Variants in CHL1 observed in about 807,000 individuals in gnomAD.
CHL1 encodes cell adhesion molecule L1 like.
CHL1 carries 96 observed loss-of-function variants against 141.9 expected under a neutral mutation model. That is an observed-to-expected ratio of 0.68 (90% confidence interval 0.57 to 0.80). CHL1 has a LOEUF of 0.80. Among genes scored for constraint, CHL1 ranks in the 30% least tolerant of loss-of-function variants. CHL1 has a pLI of 0.00. For synonymous variants in CHL1, 613 were observed against 502.2 expected (o/e 1.22, Z -2.95); for missense variants, 1,820 against 1,457.2 (o/e 1.25, Z -4.05).
chr3:371,791 G>A (rs888928366), intron 15 of CHL1, among the ~76,000 whole-genome samples: 2 of 152,138 alleles, frequency 1.3e-5, no homozygotes, highest in Non-Finnish European at 2.9e-5. Flanking sequence ...GATCTTGCAA[G>A]GCAGGCCTGG....
chr3:378,946 A>AC (rs1706688663), intron 16 of CHL1, among the ~76,000 whole-genome samples: 1 of 151,852 alleles, frequency 6.6e-6, no homozygotes, highest in Non-Finnish European at 1.5e-5. Context: ...TTCTGCAGGG[A>AC]CCCTAACAGC....
rs370419628 is a variant in CHL1, at chr3:326,060, C to G, written c.193C>G (p.Pro65Ala). The change falls in exon 4 of 28, where the codon CCA becomes GCA. Residue 65 changes from proline to alanine, a missense_variant. Transcript: ENST00000256509. Reference protein sequence around the residue: ...IECEAKGNPEPTFSWTKDGNP... With the variant: ...IECEAKGNPEATFSWTKDGNP... ...ATGTGAAGCTAAAGGAAATCCAGAA[C>G]CAACGTGAGTATTGTTTCAAACGAA... 5 of 1,598,724 alleles carry G rather than the reference C, an allele frequency of 3.1e-6. No individual in the cohort carries two copies. Among genetic ancestry groups the G allele is most frequent in the Non-Finnish European group, 4.3e-6 (5 of 1,167,250 alleles).
chr3:349,623 A>G (rs1703074620), intron 10 of CHL1, 80 bp downstream of exon 10: 1 of 1,216,098 alleles, frequency 8.2e-7, no homozygotes, highest in Admixed American at 2.2e-5. Flanking sequence ...CTTCTAAATC[A>G]TACATGTTAA....
chr3:398,194 A>G (rs753662067), intron 24 of CHL1, 33 bp from the exon 25 acceptor site: 1 of 1,431,450 alleles, frequency 7.0e-7, no homozygotes, highest in Non-Finnish European at 9.4e-7. Flanking sequence ...CCATGATTAC[A>G]ATTCACATGA....
At chr3:385,221 T>C (rs770903484) in intron 19 of CHL1, among the ~76,000 whole-genome samples, 1 of 152,196 alleles carries the variant, frequency 6.6e-6, no homozygotes, top group Non-Finnish European at 1.5e-5. Flanking sequence ...ATATCAGTAA[T>C]ACTGTGTATT....
intron 1 of CHL1, among the ~76,000 whole-genome samples, chr3:219,224 G>T (rs536656555): frequency 6.6e-6 from 1 of 152,036 alleles, no homozygotes; most frequent in South Asian, 2.1e-4. Context: ...CACTGTTAGC[G>T]GGGGTGTAAA....
At chr3:240,718 A>G (rs968378983) in intron 1 of CHL1, among the ~76,000 whole-genome samples, 6 of 152,350 alleles carry the variant, frequency 3.9e-5, no homozygotes, top group Admixed American at 2.6e-4. Flanking sequence ...TAGAATTTTT[A>G]TAGGTATCGG....
At chr3:239,304 C>T (rs4003413) in intron 1 of CHL1, among the ~76,000 whole-genome samples, 1 of 151,972 alleles carries the variant, frequency 6.6e-6, no homozygotes, top group Non-Finnish European at 1.5e-5. Flanking sequence ...ATACTATTAT[C>T]CCTTATTTAC....
chr3:269,536 T>A (rs1382526267), intron 2 of CHL1, among the ~76,000 whole-genome samples: 1 of 152,006 alleles, frequency 6.6e-6, no homozygotes, highest in Non-Finnish European at 1.5e-5. Context: ...TCTCTATATA[T>A]ATATATGAGA....
intron 5 of CHL1, among the ~76,000 whole-genome samples, chr3:337,897 A>G (rs1415317672): frequency 6.6e-6 from 1 of 152,192 alleles, no homozygotes; most frequent in Non-Finnish European, 1.5e-5. Context: ...CAGTAATGGG[A>G]TGGCTGGGTC....
At chr3:204,020 C>A (rs1444310416) in intron 1 of CHL1, among the ~76,000 whole-genome samples, 1 of 152,236 alleles carries the variant, frequency 6.6e-6, no homozygotes, top group East Asian at 1.9e-4. Context: ...AGAATCTTCA[C>A]CACTTTTTCT....
chr3:198,579 C>A (rs1022767797), intron 1 of CHL1, among the ~76,000 whole-genome samples: 1 of 152,202 alleles, frequency 6.6e-6, no homozygotes, highest in Non-Finnish European at 1.5e-5. Flanking sequence ...ACCCTCTATA[C>A]TGGGTTGTTG....
At chr3:302,799 T>C (rs530680355) in intron 2 of CHL1, among the ~76,000 whole-genome samples, 2 of 152,338 alleles carry the variant, frequency 1.3e-5, no homozygotes, top group South Asian at 4.1e-4. Context: ...TTTAGTGTTT[T>C]AGACATGAAT....
chr3:251,829 C>G (rs1574861215), intron 2 of CHL1, among the ~76,000 whole-genome samples: 2 of 152,092 alleles, frequency 1.3e-5, no homozygotes, highest in East Asian at 3.9e-4. Flanking sequence ...GCACATATTT[C>G]TTCTACTAAA....
chr3:393,186 T>G (rs1280881775), intron 23 of CHL1, among the ~76,000 whole-genome samples: 2 of 133,622 alleles, frequency 1.5e-5, no homozygotes, highest in Non-Finnish European at 3.1e-5. Context: ...TGAGCTGAGA[T>G]GGAGCCACTG....
Position 365,941 on chromosome 3 carries a change from T to C in CHL1, c.1586-9T>C. 1 of 1,609,322 alleles carries C rather than the reference T, an allele frequency of 6.2e-7. No homozygotes were observed. Among genetic ancestry groups the C allele is most frequent in the East Asian group, 2.2e-5 (1 of 44,768 alleles). On this transcript the variant is annotated splice_polypyrimidine_tract_variant and intron_variant, in intron 14 of 27. Coordinates refer to ENST00000256509, the MANE Select transcript of CHL1 (RefSeq NM_006614.4). ...AGTTCTAACTAATATCTTTGTTTGG[T>C]AAAAACAGATGCTACAAAACTTAGA... is the stretch of plus-strand genomic sequence containing the variant.
At position 302,055 on chromosome 3, in the gene CHL1, A is replaced by C. The variant is rs147850117; in HGVS notation, c.-94-17628A>C. 4.6e-4 allele frequency among the ~76,000 whole-genome samples: 70 copies of C among 152,318 alleles called. 1 individual carries two copies. Among genetic ancestry groups the C allele is most frequent in the African/African-American group, 1.6e-3 (66 of 41,568 alleles). ...AGAATGATGGTTTCCAGCTTTATCC[A>C]TGTCCCTGCAAAGGACAAGAACTCA... On this transcript the variant is annotated intron_variant, in intron 2 of 27. Transcript: ENST00000256509.
chr3:359,442 A>G lies in CHL1; in HGVS notation c.1166-842A>G, dbSNP rs529195518. Among the ~76,000 whole-genome samples, 5 of 152,044 alleles carry G rather than the reference A, an allele frequency of 3.3e-5. No homozygotes were observed. In the South Asian group the frequency reaches 6.2e-4, roughly 19 times the overall value. On this transcript the variant is annotated intron_variant, in intron 11 of 27. Coordinates refer to ENST00000256509, the MANE Select transcript of CHL1 (RefSeq NM_006614.4). Reference sequence around the variant, plus strand: ...CCTAGCCTCCCAACTAGCTGGGGTTACAGGAGTGCACCACCACACCTGGCT... The same window carrying G: ...CCTAGCCTCCCAACTAGCTGGGGTTGCAGGAGTGCACCACCACACCTGGCT...
chr3:355,529 G>A (rs879509989), intron 11 of CHL1, among the ~76,000 whole-genome samples: 5 of 152,158 alleles, frequency 3.3e-5, no homozygotes, highest in Admixed American at 6.5e-5. Context: ...AAGAAGGATA[G>A]AACATATTTT....
Sources: allele counts gnomAD v4.1 joint callset (sites outside exome capture counted in the v4.1 genomes callset), GRCh38; gene constraint gnomAD v4.1.1; transcripts MANE v1.5; gene names NCBI Gene and HGNC (gene_info 2026-07-23, HGNC 2026-07-21).